UGGT2: variants seen among roughly 807,000 people sequenced by gnomAD.
UGGT2 encodes the protein UDP-glucose glycoprotein glucosyltransferase 2.
In UGGT2, 180 loss-of-function variants were observed where a neutral mutation model predicts 192.1. The observed-to-expected ratio is 0.94, with a 90% CI of 0.83 to 1.06. The LOEUF is 1.06. Among genes scored for constraint, UGGT2 ranks in the 50% least tolerant of loss-of-function variants. The probability of loss-of-function intolerance (pLI) is 0.00; values close to 1 mark genes in which losing one functional copy is unlikely to be tolerated. For synonymous variants in UGGT2, 580 were observed against 591.0 expected (o/e 0.98, Z 0.27); for missense variants, 1,849 against 1,795.7 (o/e 1.03, Z -0.54).
rs757584546 is a variant in UGGT2, at chr13:95,813,233, G to GT, written c.4529-11422dup. ...AAAGAAAACAGGAAGATAAAGGAAAGTTTGGAACATCTCAGAGATTGGTTA... is the reference window on the plus strand; with the variant it reads ...AAAGAAAACAGGAAGATAAAGGAAAGTTTTGGAACATCTCAGAGATTGGTTA... On this transcript the variant is annotated intron_variant, in intron 38 of 38. Transcript: ENST00000376747. Among the ~76,000 whole-genome samples the GT allele has an allele frequency of 8.1e-4, 124 of 152,318 alleles. 1 individual carries two copies. The highest frequency in any genetic ancestry group is 6.3e-4 in the Non-Finnish European group (43 of 68,036).
chr13:95,934,233 G>GGACCATGA (rs1477845664), intron 17 of UGGT2, among the ~76,000 whole-genome samples: 2 of 152,266 alleles, frequency 1.3e-5, no homozygotes, highest in East Asian at 3.9e-4. Flanking sequence ...GAGTATGACT[G>GGACCATGA]GTATGATTCT....
At chr13:95,857,592 G>A (rs538643103) in intron 33 of UGGT2, among the ~76,000 whole-genome samples, 2 of 152,110 alleles carry the variant, frequency 1.3e-5, no homozygotes, top group African/African-American at 4.8e-5. Context: ...AGTAGCTAGC[G>A]GCTTCTGTAT....
intron 16 of UGGT2, among the ~76,000 whole-genome samples, chr13:95,937,906 TTTTAG>T (rs1348388500): frequency 6.6e-6 from 1 of 152,188 alleles, no homozygotes; most frequent in Non-Finnish European, 1.5e-5. Context: ...TTATCTTAAA[TTTTAG>T]CTCCCACATT....
intron 27 of UGGT2, among the ~76,000 whole-genome samples, chr13:95,880,934 G>C (rs559716081): frequency 3.3e-5 from 5 of 152,186 alleles, no homozygotes; most frequent in Non-Finnish European, 7.3e-5. Context: ...CAGCACTTTG[G>C]GAGGCCGAGG....
intron 17 of UGGT2, among the ~76,000 whole-genome samples, chr13:95,932,945 G>A (rs1050483985): frequency 3.4e-4 from 52 of 152,180 alleles, no homozygotes; most frequent in African/African-American, 1.2e-3. Flanking sequence ...ATTTGATTAC[G>A]GTGAATTAAT....
At chr13:95,993,352 G>T (rs775412858) in intron 7 of UGGT2, among the ~76,000 whole-genome samples, 9 of 152,078 alleles carry the variant, frequency 5.9e-5, no homozygotes, top group Non-Finnish European at 1.2e-4. Context: ...ATATATCCAT[G>T]TAACAAACCT....
At chr13:95,915,488 CAT>C (rs2048653273) in intron 20 of UGGT2, among the ~76,000 whole-genome samples, 1 of 152,226 alleles carries the variant, frequency 6.6e-6, no homozygotes, top group Non-Finnish European at 1.5e-5. Context: ...GAAGGGAAAA[CAT>C]AGTCACTCAA....
chr13:95,959,889 T>C (rs1181580058), intron 12 of UGGT2, among the ~76,000 whole-genome samples: 4 of 152,246 alleles, frequency 2.6e-5, no homozygotes, highest in East Asian at 1.9e-4. Context: ...TCGCCACCCA[T>C]AGGGCCCTAA....
rs572303288 is a variant in UGGT2 at position 96,053,203 on chromosome 13, G to A, written c.110C>T (p.Ala37Val). ...GTVAASKSVT[A>V]HLAAKWPETP... ...CTCGGGCCACTTCGCGGCCAAGTGG[G>A]CAGTCACCGACTTGGACGCGGCGAC... Residue 37 changes from alanine (A) to valine (V), a missense_variant, in exon 1 of 39, where the codon GCC becomes GTC. Physicochemically the swap from Ala to Val is moderately conservative, Grantham distance 64. Transcript: ENST00000376747. The A allele has an allele frequency of 2.0e-4, 311 of 1,530,900 alleles. 2 individuals are homozygous for A. The South Asian group carries it at 3.5e-3, about 17-fold the overall frequency. 94.8% of individuals were successfully genotyped at this position (1,530,900 alleles called of 1,614,324 possible).
At position 95,940,163 on chromosome 13, in the gene UGGT2, CAGAT is replaced by C. The variant is rs1205850594; in HGVS notation, c.1678-76_1678-73del. On this transcript the variant is annotated intron_variant, in intron 15 of 38. Transcript: ENST00000376747. ...AGTTTTCTTTTTTTTCCTTAGCATGCAGATAGATTTTTATTTTGTAAGTTCAAAA... is the reference window on the plus strand; with the variant it reads ...AGTTTTCTTTTTTTTCCTTAGCATGCAGATTTTTATTTTGTAAGTTCAAAA... The C allele has an allele frequency of 3.4e-6, 4 of 1,191,620 alleles. No individual in the cohort carries two copies. In the East Asian group the frequency reaches 8.6e-5, roughly 26 times the overall value. The allele number at this position is 1,191,620 out of a possible 1,614,324, so 73.8% of individuals were successfully genotyped here.
chr13:96,030,596 T>C (rs1650570589), intron 2 of UGGT2, among the ~76,000 whole-genome samples: 1 of 152,214 alleles, frequency 6.6e-6, no homozygotes, highest in African/African-American at 2.4e-5. Context: ...TAAATGAGCA[T>C]TTAAAACATC....
chr13:95,936,189 T>C (rs2049457206), intron 17 of UGGT2, among the ~76,000 whole-genome samples: 1 of 152,254 alleles, frequency 6.6e-6, no homozygotes, highest in African/African-American at 2.4e-5. Flanking sequence ...TTTCAAGCTC[T>C]GAAATTCTTT....
chr13:96,000,407 A>G (rs1594544396), intron 5 of UGGT2, among the ~76,000 whole-genome samples: 1 of 152,196 alleles, frequency 6.6e-6, no homozygotes, highest in Admixed American at 6.5e-5. Flanking sequence ...AGTTAGCTTC[A>G]GCTATTCAGA....
chr13:95,960,322 T>C (rs1416447738), intron 12 of UGGT2, among the ~76,000 whole-genome samples: 1 of 152,160 alleles, frequency 6.6e-6, no homozygotes, highest in Non-Finnish European at 1.5e-5. Context: ...GAGAATACTT[T>C]AAAACAATCC....
In UGGT2 at chr13:95,821,263, C is replaced by T. The variant is rs180708983; in HGVS notation, c.4528+11664G>A. ...CATGCCAACATCTACTCATTTCTGA[C>T]TTTTTCTTCATGGCCATTCTTGCAG... is the stretch of plus-strand genomic sequence containing the variant. On this transcript the variant is annotated intron_variant, in intron 38 of 38. Transcript: ENST00000376747. 9.7e-4 allele frequency among the ~76,000 whole-genome samples: 147 copies of T among 152,218 alleles called. 1 individual carries two copies. Among genetic ancestry groups the T allele is most frequent in the Non-Finnish European group, 1.2e-3 (82 of 67,990 alleles).
At chr13:95,992,533 G>C (rs767378578) in intron 7 of UGGT2, among the ~76,000 whole-genome samples, 2 of 152,124 alleles carry the variant, frequency 1.3e-5, no homozygotes, top group Non-Finnish European at 2.9e-5. Context: ...TCTGTACACA[G>C]ATTTTGTATC....
Position 95,856,318 on chromosome 13 carries a change from T to C in UGGT2, c.3848A>G (p.Lys1283Arg). Residue 1283 changes from lysine to arginine, a missense_variant, in exon 34 of 39, where the codon AAA (lysine) becomes AGA (arginine). Transcript: ENST00000376747. ...TFKEVIPHMA[K>R]EYGFRYELVQ... ...TAGTTCATATCGGAATCCATACTCT[T>C]TAGCCATGTGAGGAATTACTTCCTA... 6.2e-7 allele frequency: 1 copy of C among 1,607,114 alleles called. No homozygotes were observed. The highest frequency in any genetic ancestry group is 8.5e-7 in the Non-Finnish European group (1 of 1,178,472).
Position 95,832,911 on chromosome 13 carries a change from C to G in UGGT2, c.4528+16G>C. On this transcript the variant is annotated intron_variant, in intron 38 of 38. Transcript: ENST00000376747. ...GCAACGCATGTTTCAGACATCACAA[C>G]ACGTTGATGACTTACTTGTATCTTG... The G allele has an allele frequency of 2.5e-6, 4 of 1,610,994 alleles. No individual in the cohort carries two copies. The highest frequency in any genetic ancestry group is 3.4e-6 in the Non-Finnish European group (4 of 1,178,140).
At chr13:95,983,742 T>A in intron 10 of UGGT2, 62 bp downstream of exon 10, 1 of 1,234,594 alleles carries the variant, frequency 8.1e-7, no homozygotes, top group East Asian at 2.5e-5. Context: ...ATATTGAAGA[T>A]CCAAAGTCAG....
Sources: allele counts gnomAD v4.1 joint callset (sites outside exome capture counted in the v4.1 genomes callset), GRCh38; gene constraint gnomAD v4.1.1; transcripts MANE v1.5; gene names NCBI Gene and HGNC (gene_info 2026-07-23, HGNC 2026-07-21).